C8orf34: variants seen among roughly 807,000 people sequenced by gnomAD.
C8orf34 encodes the protein uncharacterized protein C8orf34.
A neutral mutation model predicts 68.3 loss-of-function variants in C8orf34; 65 were observed. That is an observed-to-expected ratio of 0.95 (90% confidence interval 0.78 to 1.17). The LOEUF (loss-of-function observed/expected upper bound fraction) is 1.17. Among genes scored for constraint, C8orf34 ranks in the 50% most tolerant of loss-of-function variants. The probability of loss-of-function intolerance (pLI) is 0.00; values close to 1 mark genes in which losing one functional copy is unlikely to be tolerated. For synonymous variants in C8orf34, 244 were observed against 241.2 expected (o/e 1.01, Z -0.11); for missense variants, 664 against 655.4 (o/e 1.01, Z -0.14).
intron 1 of C8orf34, among the ~76,000 whole-genome samples, chr8:68,385,156 C>T (rs774763352): frequency 6.6e-5 from 10 of 152,106 alleles, no homozygotes; most frequent in South Asian, 2.1e-4. Flanking sequence ...GTGACAGTCA[C>T]GGTCTAAGCA....
chr8:68,657,995 C>A (rs1435935752), intron 8 of C8orf34, among the ~76,000 whole-genome samples: 2 of 152,180 alleles, frequency 1.3e-5, no homozygotes, highest in Admixed American at 1.3e-4. Flanking sequence ...TTTTATTTAT[C>A]TGCTTTCAGC....
chr8:68,505,440 G>A (rs1027702319), intron 5 of C8orf34, among the ~76,000 whole-genome samples: 1 of 138,686 alleles, frequency 7.2e-6, no homozygotes, highest in South Asian at 2.1e-4. Context: ...CTGAAAGAAT[G>A]AGCAACATGG....
chr8:68,465,150 C>G (rs544837614), intron 3 of C8orf34, among the ~76,000 whole-genome samples: 2 of 151,964 alleles, frequency 1.3e-5, no homozygotes, highest in Non-Finnish European at 2.9e-5. Flanking sequence ...GGACATGAAC[C>G]GACACGTCAC....
chr8:68,785,529 C>T (rs1406867841), intron 11 of C8orf34, among the ~76,000 whole-genome samples: 2 of 152,154 alleles, frequency 1.3e-5, no homozygotes, highest in Non-Finnish European at 2.9e-5. Flanking sequence ...GTTCCTTTAG[C>T]CTTTGGTCTT....
intron 1 of C8orf34, among the ~76,000 whole-genome samples, chr8:68,390,496 A>G (rs926481096): frequency 1.3e-5 from 2 of 152,168 alleles, no homozygotes; most frequent in Non-Finnish European, 2.9e-5. Context: ...AGGACAGACT[A>G]TGTATGGTTT....
chr8:68,702,665 C>T (rs533277412), intron 8 of C8orf34, among the ~76,000 whole-genome samples: 5 of 152,068 alleles, frequency 3.3e-5, no homozygotes, highest in Non-Finnish European at 7.4e-5. Flanking sequence ...CCATTCCAGT[C>T]CAACATGAAA....
intron 7 of C8orf34, among the ~76,000 whole-genome samples, chr8:68,573,398 G>A (rs1010509811): frequency 3.9e-5 from 6 of 152,122 alleles, no homozygotes; most frequent in African/African-American, 1.4e-4. Context: ...GGTCCAAGGA[G>A]GAATGAGAAA....
chr8:68,581,747 A>C (rs1288446453), intron 7 of C8orf34, among the ~76,000 whole-genome samples: 1 of 152,154 alleles, frequency 6.6e-6, no homozygotes, highest in Non-Finnish European at 1.5e-5. Context: ...CCACTGCCAC[A>C]GTTCACATTC....
At chr8:68,681,229 C>T (rs1267275617) in intron 8 of C8orf34, among the ~76,000 whole-genome samples, 4 of 152,060 alleles carry the variant, frequency 2.6e-5, no homozygotes, top group Non-Finnish European at 5.9e-5. Context: ...TCACAGTGGT[C>T]CTGAGGTGAT....
At chr8:68,424,044 A>C (rs1445513444) in intron 1 of C8orf34, among the ~76,000 whole-genome samples, 1 of 152,106 alleles carries the variant, frequency 6.6e-6, no homozygotes, top group African/African-American at 2.4e-5. Flanking sequence ...ACACAGAGCC[A>C]CACCATATCA....
intron 5 of C8orf34, among the ~76,000 whole-genome samples, chr8:68,493,831 CA>C (rs1275359201): frequency 1.3e-5 from 2 of 152,172 alleles, no homozygotes; most frequent in Non-Finnish European, 2.9e-5. Context: ...AACTCAGAGA[CA>C]AAGGGCGTGC....
intron 8 of C8orf34, among the ~76,000 whole-genome samples, chr8:68,707,272 C>G (rs1444523430): frequency 6.6e-6 from 1 of 152,054 alleles, no homozygotes; most frequent in African/African-American, 2.4e-5. Context: ...AAACTCAGCT[C>G]TTAAGGTATC....
intron 5 of C8orf34, among the ~76,000 whole-genome samples, chr8:68,507,994 CTCT>C (rs1814099567): frequency 6.6e-6 from 1 of 152,114 alleles, no homozygotes; most frequent in Non-Finnish European, 1.5e-5. Flanking sequence ...CATCCTTGAT[CTCT>C]TCTTTACCCT....
intron 10 of C8orf34, among the ~76,000 whole-genome samples, chr8:68,749,235 T>G (rs1822620792): frequency 6.8e-6 from 1 of 146,100 alleles, no homozygotes; most frequent in South Asian, 2.2e-4. Context: ...TGGGGACTGT[T>G]GTGGGGTGGG....
intron 7 of C8orf34, among the ~76,000 whole-genome samples, chr8:68,537,947 TA>T (rs764806935): frequency 6.6e-5 from 10 of 152,156 alleles, no homozygotes; most frequent in African/African-American, 1.9e-4. Flanking sequence ...TATTTTCTTG[TA>T]AAAAATTTCC....
intron 10 of C8orf34, among the ~76,000 whole-genome samples, chr8:68,772,853 CTCCT>C (rs1441715381): frequency 3.3e-4 from 47 of 141,682 alleles, no homozygotes; most frequent in African/African-American, 1.0e-3. Context: ...CTCTCTTTCT[CTCCT>C]TCCTTCCTTC....
chr8:68,381,649 G>T (rs1042279733), intron 1 of C8orf34, among the ~76,000 whole-genome samples: 1 of 142,376 alleles, frequency 7.0e-6, no homozygotes, highest in Non-Finnish European at 1.5e-5. Flanking sequence ...GGAGAATGGC[G>T]TGAACCCGGG....
At chr8:68,368,255 C>T (rs1005958181) in intron 1 of C8orf34, among the ~76,000 whole-genome samples, 4 of 152,024 alleles carry the variant, frequency 2.6e-5, no homozygotes, top group African/African-American at 9.7e-5. Context: ...TGCTATATTC[C>T]CTTATTTATT....
chr8:68,724,953 G>T (rs1821785545), intron 10 of C8orf34, among the ~76,000 whole-genome samples: 1 of 151,756 alleles, frequency 6.6e-6, no homozygotes, highest in African/African-American at 2.4e-5. Flanking sequence ...TTGACCTTCT[G>T]GGCTCCAGCA....
Sources: gnomAD v4.1 joint callset for allele counts (sites outside exome capture counted in the v4.1 genomes callset) on GRCh38, gnomAD v4.1.1 for gene constraint, MANE v1.5 for transcripts, NCBI Gene and HGNC (gene_info 2026-07-23, HGNC 2026-07-21) for gene names.